Variants in ROBO2 observed in about 807,000 individuals in gnomAD.
ROBO2 encodes the protein roundabout guidance receptor 2.
ROBO2 carries 53 observed loss-of-function variants against 160.8 expected under a neutral mutation model. The observed-to-expected ratio is 0.33, with a 90% CI of 0.26 to 0.41. ROBO2 has a LOEUF of 0.41. Among genes scored for constraint, ROBO2 ranks in the 10% least tolerant of loss-of-function variants. ROBO2 has a pLI of 1.00. For missense variants in ROBO2, 1,577 were observed against 1,722.4 expected (o/e 0.92, Z 1.49); for synonymous variants, 664 against 611.7 (o/e 1.09, Z -1.26).
intron 2 of ROBO2, among the ~76,000 whole-genome samples, chr3:77,398,760 T>A (rs1376388448): frequency 4.6e-5 from 7 of 151,906 alleles, no homozygotes; most frequent in African/African-American, 1.5e-4. Context: ...TTTTGTATTT[T>A]TTTTGGTAGA....
intron 5 of ROBO2, among the ~76,000 whole-genome samples, chr3:77,506,636 C>T (rs2153612416): frequency 6.6e-6 from 1 of 152,102 alleles, no homozygotes; most frequent in South Asian, 2.1e-4. Context: ...GGCTAAACGT[C>T]TTACTATGCA....
Position 76,337,115 on chromosome 3 carries a change from C to T in ROBO2, c.109+399513C>T, listed in dbSNP as rs575005135. Among the ~76,000 whole-genome samples, 111 of 152,200 alleles carry T rather than the reference C, an allele frequency of 7.3e-4. 1 individual carries two copies. The highest frequency in any genetic ancestry group is 2.6e-3 in the African/African-American group (108 of 41,544). The stretch of plus-strand genomic sequence containing the variant: ...ACACATTTTTCCTTCTAGTGGGATC[C>T]TGTCTGATTTTCAAGCTGTAAAAGT... On this transcript the variant is annotated intron_variant, in intron 2 of 26. Transcript: ENST00000487694.
intron 2 of ROBO2, among the ~76,000 whole-genome samples, chr3:76,121,742 C>A (rs116412953): frequency 6.6e-6 from 1 of 152,206 alleles, no homozygotes; most frequent in Non-Finnish European, 1.5e-5. Flanking sequence ...TCACTGAAAG[C>A]CATACTTCGC....
intron 2 of ROBO2, among the ~76,000 whole-genome samples, chr3:76,426,517 C>A (rs1243448855): frequency 6.6e-6 from 1 of 152,008 alleles, no homozygotes. Flanking sequence ...TAAAATGATC[C>A]TTTTTCTTAT....
intron 2 of ROBO2, among the ~76,000 whole-genome samples, chr3:76,166,268 A>G (rs1329682183): frequency 6.6e-6 from 1 of 152,114 alleles, no homozygotes; most frequent in African/African-American, 2.4e-5. Context: ...TATATTTTTA[A>G]TATGAATTGT....
At chr3:76,596,646 C>T (rs536166562) in intron 2 of ROBO2, among the ~76,000 whole-genome samples, 75 of 152,182 alleles carry the variant, frequency 4.9e-4, no homozygotes, top group African/African-American at 1.7e-3. Flanking sequence ...AGCTACTAGG[C>T]CATCAACAGC....
chr3:76,534,914 A>G (rs113379925), intron 2 of ROBO2, among the ~76,000 whole-genome samples: 59 of 151,966 alleles, frequency 3.9e-4, no homozygotes, highest in Non-Finnish European at 1.3e-4. Context: ...TGTAAAGAAG[A>G]AGGTCATCAA....
chr3:77,528,383 ACAT>A, intron 6 of ROBO2, among the ~76,000 whole-genome samples: 1 of 151,718 alleles, frequency 6.6e-6, no homozygotes, highest in South Asian at 2.1e-4. Flanking sequence ...TACCAGCTTG[ACAT>A]CATTGACACC....
intron 2 of ROBO2, among the ~76,000 whole-genome samples, chr3:77,005,266 C>T (rs890418170): frequency 6.6e-5 from 10 of 152,166 alleles, no homozygotes; most frequent in African/African-American, 2.4e-4. Flanking sequence ...CAGTTTGCCT[C>T]CAGCTACCTT....
chr3:76,108,161 G>A (rs1213586868), intron 2 of ROBO2, among the ~76,000 whole-genome samples: 1 of 152,010 alleles, frequency 6.6e-6, no homozygotes, highest in Non-Finnish European at 1.5e-5. Context: ...CTACTGGGTT[G>A]TGTTCGGAAC....
At chr3:76,794,257 T>C (rs960640046) in intron 2 of ROBO2, among the ~76,000 whole-genome samples, 7 of 151,938 alleles carry the variant, frequency 4.6e-5, no homozygotes, top group Non-Finnish European at 2.9e-5. Context: ...GTTCTGGAAA[T>C]TTTCAATGTC....
intron 2 of ROBO2, among the ~76,000 whole-genome samples, chr3:76,295,614 A>T (rs967034754): frequency 6.6e-6 from 1 of 152,146 alleles, no homozygotes; most frequent in Non-Finnish European, 1.5e-5. Context: ...ATTATGTTAG[A>T]ATTTTGTGTC....
At chr3:76,367,381 C>G (rs995459164) in intron 2 of ROBO2, among the ~76,000 whole-genome samples, 2 of 151,832 alleles carry the variant, frequency 1.3e-5, no homozygotes, top group African/African-American at 4.8e-5. Context: ...GATACAGACT[C>G]TATTTTTTTT....
intron 2 of ROBO2, among the ~76,000 whole-genome samples, chr3:77,355,802 G>A (rs1425304548): frequency 1.3e-5 from 2 of 151,782 alleles, no homozygotes; most frequent in Non-Finnish European, 2.9e-5. Context: ...TAAGGTGAAG[G>A]ACACCATAAT....
At chr3:76,335,462 G>A (rs1295789156) in intron 2 of ROBO2, among the ~76,000 whole-genome samples, 1 of 151,900 alleles carries the variant, frequency 6.6e-6, no homozygotes, top group Non-Finnish European at 1.5e-5. Context: ...GATTACAGGA[G>A]TGAGCCACCA....
At chr3:76,217,668 T>G (rs548074202) in intron 2 of ROBO2, among the ~76,000 whole-genome samples, 1 of 152,278 alleles carries the variant, frequency 6.6e-6, no homozygotes, top group South Asian at 2.1e-4. Context: ...GAGGCAATAA[T>G]TAATAGCTTA....
At chr3:77,368,281 A>G (rs1054465413) in intron 2 of ROBO2, among the ~76,000 whole-genome samples, 1 of 152,108 alleles carries the variant, frequency 6.6e-6, no homozygotes, top group Non-Finnish European at 1.5e-5. Flanking sequence ...AATAAAGAAA[A>G]CCGAAGCTAT....
At chr3:76,751,877 A>G (rs997088279) in intron 2 of ROBO2, among the ~76,000 whole-genome samples, 3 of 152,162 alleles carry the variant, frequency 2.0e-5, no homozygotes, top group Admixed American at 6.5e-5. Context: ...TGTGGAAGAC[A>G]GTGTGGCGAT....
intron 2 of ROBO2, among the ~76,000 whole-genome samples, chr3:77,418,958 A>C (rs1461114352): frequency 6.6e-6 from 1 of 152,080 alleles, no homozygotes; most frequent in Non-Finnish European, 1.5e-5. Flanking sequence ...TACCATTAAA[A>C]ATTAGCATAA....
Sources: allele counts gnomAD v4.1 joint callset (sites outside exome capture counted in the v4.1 genomes callset), GRCh38; gene constraint gnomAD v4.1.1; transcripts MANE v1.5; gene names NCBI Gene and HGNC (gene_info 2026-07-23, HGNC 2026-07-21).